ARHGAP10: variants seen among roughly 807,000 people sequenced by gnomAD.
ARHGAP10 encodes the protein rho GTPase-activating protein 10.
In ARHGAP10, 87 loss-of-function variants were observed where a neutral mutation model predicts 108.6. That is an observed-to-expected ratio of 0.80 (90% CI 0.67 to 0.96). The LOEUF (loss-of-function observed/expected upper bound fraction) is 0.96, where lower values mean the gene tolerates loss of function less well. Among genes scored for constraint, ARHGAP10 ranks in the 40% least tolerant of loss-of-function variants. The probability of loss-of-function intolerance (pLI) is 0.00; values close to 1 mark genes in which losing one functional copy is unlikely to be tolerated. For missense variants in ARHGAP10, 939 were observed against 954.5 expected (o/e 0.98, Z 0.21); for synonymous variants, 347 against 341.1 (o/e 1.02, Z -0.19).
At chr4:147,812,819 C>T (rs370837043) in intron 1 of ARHGAP10, among the ~76,000 whole-genome samples, 2 of 152,060 alleles carry the variant, frequency 1.3e-5, no homozygotes, top group East Asian at 3.9e-4. Flanking sequence ...ACTTCTGTGC[C>T]CCTTCTTATG....
At chr4:148,071,528 A>G (rs1730177731) in intron 22 of ARHGAP10, among the ~76,000 whole-genome samples, 1 of 152,206 alleles carries the variant, frequency 6.6e-6, no homozygotes, top group East Asian at 1.9e-4. Flanking sequence ...AGGCAGGAGA[A>G]TTGCTTGAAT....
chr4:147,848,011 G>C (rs1292281176), intron 4 of ARHGAP10, among the ~76,000 whole-genome samples: 1 of 151,986 alleles, frequency 6.6e-6, no homozygotes, highest in Non-Finnish European at 1.5e-5. Context: ...CCCAAGGAGA[G>C]GGGAATTAAC....
At chr4:147,891,595 G>T (rs1735797811) in intron 10 of ARHGAP10, among the ~76,000 whole-genome samples, 1 of 152,008 alleles carries the variant, frequency 6.6e-6, no homozygotes, top group Admixed American at 6.6e-5. Context: ...ATTGTCAGTG[G>T]GTAAGTTTTA....
intron 1 of ARHGAP10, among the ~76,000 whole-genome samples, chr4:147,810,594 G>A (rs962615906): frequency 2.0e-5 from 3 of 152,188 alleles, no homozygotes; most frequent in Admixed American, 1.3e-4. Context: ...GAGAGATTCA[G>A]GCTCAGCTGG....
At chr4:147,817,363 C>T (rs1423701732) in intron 1 of ARHGAP10, among the ~76,000 whole-genome samples, 1 of 152,132 alleles carries the variant, frequency 6.6e-6, no homozygotes, top group Non-Finnish European at 1.5e-5. Flanking sequence ...TGCTCCCCAT[C>T]CCCCCAGCAG....
At chr4:147,783,087 TTATA>T (rs1233716399) in intron 1 of ARHGAP10, among the ~76,000 whole-genome samples, 1 of 142,380 alleles carries the variant, frequency 7.0e-6, no homozygotes, top group Non-Finnish European at 1.5e-5. Context: ...ATGTGTTAAA[TTATA>T]TATTATGTAA....
At chr4:147,775,104 G>A (rs1377017596) in intron 1 of ARHGAP10, among the ~76,000 whole-genome samples, 2 of 151,890 alleles carry the variant, frequency 1.3e-5, no homozygotes, top group Non-Finnish European at 2.9e-5. Context: ...TAGTAGAGAC[G>A]GGGTTTCACC....
Position 148,064,404 on chromosome 4 carries a change from CTT to C in ARHGAP10, c.2181-10_2181-9del, listed in dbSNP as rs773887965. 40 of 1,612,484 alleles carry C rather than the reference CTT, an allele frequency of 2.5e-5. No individual in the cohort carries two copies. The highest frequency in any genetic ancestry group is 3.1e-5 in the Non-Finnish European group (36 of 1,179,298). On this transcript the variant is annotated splice_polypyrimidine_tract_variant and intron_variant, in intron 21 of 22. Transcript: ENST00000336498. Reference sequence around the variant, plus strand: ...TTTTCATTGGTGTCTTTTGTATTCTCTTTCTTTTCAGCATCCGCAGTCGGAAG... The same window carrying C: ...TTTTCATTGGTGTCTTTTGTATTCTCTCTTTTCAGCATCCGCAGTCGGAAG...
intron 13 of ARHGAP10, among the ~76,000 whole-genome samples, chr4:147,915,718 C>T (rs574682795): frequency 2.1e-4 from 32 of 152,216 alleles, no homozygotes; most frequent in African/African-American, 4.1e-4. Flanking sequence ...ATTTTTCCCC[C>T]CAAAGGTCTT....
chr4:147,994,332 G>A (rs1292119224), intron 18 of ARHGAP10, among the ~76,000 whole-genome samples: 3 of 152,174 alleles, frequency 2.0e-5, no homozygotes, highest in Non-Finnish European at 2.9e-5. Flanking sequence ...AGTTGCTTGA[G>A]CCACACATGC....
intron 14 of ARHGAP10, among the ~76,000 whole-genome samples, chr4:147,943,377 A>C (rs963881983): frequency 2.6e-5 from 4 of 152,250 alleles, no homozygotes; most frequent in Non-Finnish European, 5.9e-5. Context: ...GCTTTGTTGC[A>C]TAGATTGGGG....
intron 13 of ARHGAP10, among the ~76,000 whole-genome samples, chr4:147,917,684 T>C (rs1271153823): frequency 1.3e-5 from 2 of 152,252 alleles, no homozygotes; most frequent in Non-Finnish European, 2.9e-5. Flanking sequence ...TTGTATATTT[T>C]ATAGATGTTG....
At chr4:147,840,030 A>T (rs1436397822) in intron 3 of ARHGAP10, among the ~76,000 whole-genome samples, 1 of 152,184 alleles carries the variant, frequency 6.6e-6, no homozygotes, top group Non-Finnish European at 1.5e-5. Context: ...TGTGTCTCCC[A>T]GCTCATTTAG....
chr4:148,030,378 T>A (rs1728092292), intron 19 of ARHGAP10, among the ~76,000 whole-genome samples: 1 of 152,224 alleles, frequency 6.6e-6, no homozygotes, highest in South Asian at 2.1e-4. Context: ...CTAAGAAACA[T>A]CTTTTCAAAC....
chr4:147,784,825 A>AT (rs1560756982), intron 1 of ARHGAP10, among the ~76,000 whole-genome samples: 2 of 30,586 alleles, frequency 6.5e-5, no homozygotes, highest in Non-Finnish European at 2.5e-4. Context: ...TAAAATATAT[A>AT]TTATAAATAT....
At chr4:147,970,843 T>C (rs530609441) in intron 18 of ARHGAP10, among the ~76,000 whole-genome samples, 1 of 152,272 alleles carries the variant, frequency 6.6e-6, no homozygotes, top group African/African-American at 2.4e-5. Context: ...ATCTCAGCAC[T>C]TCGGGAGGCC....
At chr4:147,923,235 T>C (rs1468667626) in intron 13 of ARHGAP10, among the ~76,000 whole-genome samples, 1 of 152,198 alleles carries the variant, frequency 6.6e-6, no homozygotes, top group Non-Finnish European at 1.5e-5. Context: ...GTACATCATG[T>C]TATGTGTGAA....
At chr4:147,754,479 A>T (rs1729289299) in intron 1 of ARHGAP10, among the ~76,000 whole-genome samples, 1 of 152,180 alleles carries the variant, frequency 6.6e-6, no homozygotes. Flanking sequence ...AGTGTTCAAA[A>T]CTACTGAGGG....
At chr4:147,934,077 C>T (rs1737826949) in intron 13 of ARHGAP10, among the ~76,000 whole-genome samples, 1 of 152,198 alleles carries the variant, frequency 6.6e-6, no homozygotes, top group South Asian at 2.1e-4. Flanking sequence ...GCCCTGGAGC[C>T]AAGCCACAGG....
Sources: gnomAD v4.1 joint callset for allele counts (sites outside exome capture counted in the v4.1 genomes callset) on GRCh38, gnomAD v4.1.1 for gene constraint, MANE v1.5 for transcripts, NCBI Gene and HGNC (gene_info 2026-07-23, HGNC 2026-07-21) for gene names.